The following ERP44 variants were observed in gnomAD, a reference collection of about 807,000 sequenced individuals.
The protein encoded by ERP44 is endoplasmic reticulum resident protein 44.
A neutral mutation model predicts 53.4 loss-of-function variants in ERP44; 25 were observed. The ratio of observed to expected loss-of-function variants is 0.47; its 90% confidence interval spans 0.34 to 0.65. ERP44 has a LOEUF of 0.65. Ranked by LOEUF, ERP44 falls within the 30% of genes least tolerant of loss-of-function variation. ERP44 has a pLI of 0.01. For synonymous variants in ERP44, 145 were observed against 161.2 expected, an observed-to-expected ratio of 0.90 and a Z score of 0.76; for missense variants, 338 against 493.2, an observed-to-expected ratio of 0.69 and a Z score of 2.98.
intron 4 of ERP44, among the ~76,000 whole-genome samples, chr9:100,042,393 CAA>C (rs1367467853): frequency 6.6e-6 from 1 of 152,124 alleles, no homozygotes; most frequent in African/African-American, 2.4e-5. Flanking sequence ...AGCTTTCATT[CAA>C]AAGACAGGCA....
At chr9:100,088,575 A>G (rs1416459980) in intron 1 of ERP44, among the ~76,000 whole-genome samples, 1 of 152,204 alleles carries the variant, frequency 6.6e-6, no homozygotes, top group Non-Finnish European at 1.5e-5. Context: ...TTACTCTATA[A>G]TAAGGCATTG....
At position 100,065,508 on chromosome 9, in the gene ERP44, G is replaced by C. The variant is rs556954031; in HGVS notation, c.58-5336C>G. Among the ~76,000 whole-genome samples, 3 of 152,192 alleles carry C rather than the reference G, an allele frequency of 2.0e-5. 1 individual carries two copies. In the South Asian group the frequency reaches 6.2e-4, roughly 32 times the overall value. Reference sequence around the variant, plus strand: ...ACAACAAAAAAAAATAAGTATGTGAGGTGACAGATATGGTAATTAGCTTCA... The same window carrying C: ...ACAACAAAAAAAAATAAGTATGTGACGTGACAGATATGGTAATTAGCTTCA... On this transcript the variant is annotated intron_variant, in intron 1 of 11. Coordinates refer to ENST00000262455, the MANE Select transcript of ERP44 (RefSeq NM_015051.3).
At position 100,049,493 on chromosome 9, in the gene ERP44, T is replaced by C. The variant is rs1288135286; in HGVS notation, c.286+2924A>G. 2.6e-5 allele frequency among the ~76,000 whole-genome samples: 4 copies of C among 152,186 alleles called. No homozygotes were observed. The East Asian group carries it at 5.8e-4, about 22-fold the overall frequency. On this transcript the variant is annotated intron_variant, in intron 4 of 11. Transcript: ENST00000262455. ...ACACATCATCACAGATACATGAATG[T>C]ATATAAACATGTAAGAATATTCTCA... is the stretch of plus-strand genomic sequence containing the variant.
At chr9:100,050,982 T>C (rs992623860) in intron 4 of ERP44, among the ~76,000 whole-genome samples, 4 of 152,168 alleles carry the variant, frequency 2.6e-5, no homozygotes, top group Non-Finnish European at 5.9e-5. Flanking sequence ...ACATAAAGAA[T>C]AGAAAGATTT....
At chr9:100,027,738 C>G (rs1276353889) in intron 4 of ERP44, among the ~76,000 whole-genome samples, 2 of 152,164 alleles carry the variant, frequency 1.3e-5, no homozygotes, top group South Asian at 4.1e-4. Flanking sequence ...GAAATTGCCT[C>G]ATACTCGTTT....
chr9:100,044,636 A>C (rs1825948231), intron 4 of ERP44, among the ~76,000 whole-genome samples: 1 of 152,228 alleles, frequency 6.6e-6, no homozygotes, highest in Admixed American at 6.5e-5. Flanking sequence ...TATTACAGTG[A>C]AAATAAGCAA....
chr9:100,009,176 A>G (rs1199461370), intron 8 of ERP44, among the ~76,000 whole-genome samples: 2 of 152,172 alleles, frequency 1.3e-5, no homozygotes, highest in East Asian at 1.9e-4. Flanking sequence ...CACTAGTGCA[A>G]TCTTGGCTCA....
rs1830129821 is a variant in ERP44 at position 99,979,872 on chromosome 9, TC to T, written c.*2739del. Reference sequence around the variant, plus strand: ...TCTCAAACTTTAAAGTGAACATACTTCCTTGCTTGCAATCTGTTGATGGATC... The same window carrying T: ...TCTCAAACTTTAAAGTGAACATACTTCTTGCTTGCAATCTGTTGATGGATC... On this transcript the variant is annotated 3_prime_UTR_variant, in exon 12 of 12. Transcript: ENST00000262455. 1 of 398,158 alleles carries T rather than the reference TC, an allele frequency of 2.5e-6. No homozygotes were observed. Among genetic ancestry groups the T allele is most frequent in the African/African-American group, 2.1e-5 (1 of 48,616 alleles). 24.7% of individuals were successfully genotyped at this position (398,158 alleles called of 1,614,324 possible). A position where few individuals can be genotyped will look rare whatever the true frequency, so the allele number is the denominator to read the frequency against.
At chr9:100,046,324 C>T (rs1825969261) in intron 4 of ERP44, among the ~76,000 whole-genome samples, 1 of 151,820 alleles carries the variant, frequency 6.6e-6, no homozygotes, top group Non-Finnish European at 1.5e-5. Flanking sequence ...TCTAGAACAA[C>T]AACAACAAAA....
chr9:100,040,316 T>C (rs1825887691), intron 4 of ERP44, among the ~76,000 whole-genome samples: 1 of 152,198 alleles, frequency 6.6e-6, no homozygotes. Context: ...TCATTAATCA[T>C]GACCAAGTGA....
intron 1 of ERP44, among the ~76,000 whole-genome samples, chr9:100,074,171 C>T (rs1018743580): frequency 7.2e-5 from 11 of 152,234 alleles, no homozygotes; most frequent in East Asian, 3.9e-4. Flanking sequence ...AGGTAAATTT[C>T]GCTAGAGCCA....
chr9:100,057,656 C>T (rs1185877132), intron 3 of ERP44, among the ~76,000 whole-genome samples, 164 bp downstream of exon 3: 1 of 152,104 alleles, frequency 6.6e-6, no homozygotes, highest in East Asian at 1.9e-4. Context: ...AAACAGAAAT[C>T]CTTACCAAAT....
chr9:99,982,752 G>C, intron 11 of ERP44, 39 bp from the exon 12 acceptor site: 1 of 1,253,258 alleles, frequency 8.0e-7, no homozygotes, highest in Non-Finnish European at 1.1e-6. Context: ...TACCAATATA[G>C]TTTATGGTGC....
intron 1 of ERP44, among the ~76,000 whole-genome samples, chr9:100,091,971 A>C (rs1826562703): frequency 6.6e-6 from 1 of 152,198 alleles, no homozygotes; most frequent in African/African-American, 2.4e-5. Context: ...TTATTTATAT[A>C]TATATCTTCT....
chr9:100,098,762 G>T, intron 1 of ERP44, 22 bp downstream of exon 1: 2 of 1,608,416 alleles, frequency 1.2e-6, no homozygotes, highest in South Asian at 1.1e-5. Flanking sequence ...TTTGTCGATG[G>T]GTCTGTCATT....
At position 100,052,492 on chromosome 9, in the gene ERP44, C is replaced by T. The variant is rs1326495517; in HGVS notation, c.211G>A (p.Ala71Thr). 1.2e-5 allele frequency: 20 copies of T among 1,612,540 alleles called. No individual in the cohort carries two copies. The highest frequency in any genetic ancestry group is 1.7e-5 in the Non-Finnish European group (20 of 1,179,336). The change falls in exon 4 of 12, where the codon GCT becomes ACT. Residue 71 changes from alanine (A) to threonine (T), a missense_variant. This residue lies in a region of ERP44 where 224 missense variants were observed against 301.4 expected (regional missense o/e 0.74). Coordinates refer to ENST00000262455, the MANE Select transcript of ERP44 (RefSeq NM_015051.3). ...SQMLHPIFEEASDVIKEEFPN... is the reference protein window; with the variant it reads ...SQMLHPIFEETSDVIKEEFPN... Reference sequence around the variant, plus strand: ...AATTCTTCCTTAATGACATCGGAAGCTTCCTCAAAAATTGGATGCAACATC... The same window carrying T: ...AATTCTTCCTTAATGACATCGGAAGTTTCCTCAAAAATTGGATGCAACATC...
intron 1 of ERP44, among the ~76,000 whole-genome samples, chr9:100,088,729 A>C (rs1044554789): frequency 6.6e-6 from 1 of 152,206 alleles, no homozygotes; most frequent in Admixed American, 6.5e-5. Flanking sequence ...AGTTAATAGG[A>C]AAATAGAGAT....
chr9:100,044,542 C>A (rs2118694520), intron 4 of ERP44, among the ~76,000 whole-genome samples: 1 of 152,112 alleles, frequency 6.6e-6, no homozygotes, highest in African/African-American at 2.4e-5. Context: ...TCAAGTAGCT[C>A]AACTCCAAGC....
At chr9:100,082,120 T>TA (rs1337630761) in intron 1 of ERP44, among the ~76,000 whole-genome samples, 1 of 152,072 alleles carries the variant, frequency 6.6e-6, no homozygotes, top group African/African-American at 2.4e-5. Flanking sequence ...AAAAAACTTT[T>TA]AAATTATCCC....
Sources: allele counts gnomAD v4.1 joint callset (sites outside exome capture counted in the v4.1 genomes callset), GRCh38; gene constraint gnomAD v4.1.1; regional missense constraint gnomAD v4.1.1; transcripts MANE v1.5; gene names NCBI Gene and HGNC (gene_info 2026-07-23, HGNC 2026-07-21).